Variants in TFEC observed in about 807,000 individuals in gnomAD.
The protein encoded by TFEC is transcription factor EC.
TFEC carries 31 observed loss-of-function variants against 41.6 expected under a neutral mutation model. The observed-to-expected ratio is 0.74, with a 90% CI of 0.56 to 1.01. The LOEUF (loss-of-function observed/expected upper bound fraction) is 1.01. Among genes scored for constraint, TFEC ranks in the 50% least tolerant of loss-of-function variants. The pLI is 0.00. For synonymous variants in TFEC, 143 were observed against 140.6 expected (o/e 1.02, Z -0.12); for missense variants, 402 against 404.1 (o/e 0.99, Z 0.04).
chr7:116,108,295 T>C (rs576001967), intron 3 of TFEC, among the ~76,000 whole-genome samples: 94 of 152,262 alleles, frequency 6.2e-4, no homozygotes, highest in Middle Eastern at 6.8e-3. Flanking sequence ...ATAAAGCAAG[T>C]ATTATTGATA....
intron 3 of TFEC, among the ~76,000 whole-genome samples, chr7:115,968,826 TAACTATATG>T (rs1792995450): frequency 6.6e-6 from 1 of 151,892 alleles, no homozygotes; most frequent in African/African-American, 2.4e-5. Context: ...TGCCATTCAT[TAACTATATG>T]AACTTGGGCA....
intron 3 of TFEC, among the ~76,000 whole-genome samples, chr7:116,073,081 A>G (rs1179322253): frequency 6.6e-6 from 1 of 151,726 alleles, no homozygotes; most frequent in Non-Finnish European, 1.5e-5. Context: ...GATCTCGTAC[A>G]TAGAAAATCT....
chr7:116,013,143 T>G (rs1373646272), intron 1 of TFEC, among the ~76,000 whole-genome samples: 1 of 152,148 alleles, frequency 6.6e-6, no homozygotes, highest in South Asian at 2.1e-4. Flanking sequence ...TCAATTTTGG[T>G]AGATAAAACC....
intron 1 of TFEC, among the ~76,000 whole-genome samples, chr7:115,991,594 A>G (rs1034776170): frequency 6.6e-6 from 1 of 152,226 alleles, no homozygotes; most frequent in Non-Finnish European, 1.5e-5. Context: ...TGATAAACAG[A>G]CTTTAAACCA....
chr7:116,123,000 C>T (rs530836350), intron 1 of TFEC, among the ~76,000 whole-genome samples: 14 of 152,072 alleles, frequency 9.2e-5, no homozygotes, highest in Middle Eastern at 3.4e-3. Context: ...TTTAACCAAT[C>T]CCCCCATCTT....
chr7:115,981,974 T>C (rs999528582), intron 2 of TFEC, among the ~76,000 whole-genome samples: 8 of 152,192 alleles, frequency 5.3e-5, no homozygotes, highest in African/African-American at 1.9e-4. Flanking sequence ...AGGGTCCATG[T>C]GCTATGGGTA....
chr7:116,148,554 A>T (rs1798689948), intron 1 of TFEC, among the ~76,000 whole-genome samples: 1 of 152,168 alleles, frequency 6.6e-6, no homozygotes, highest in Non-Finnish European at 1.5e-5. Context: ...TTGAGTATAA[A>T]ATGACAAGAT....
chr7:116,066,774 T>C (rs1163533672), intron 3 of TFEC, among the ~76,000 whole-genome samples: 1 of 152,088 alleles, frequency 6.6e-6, no homozygotes, highest in Non-Finnish European at 1.5e-5. Context: ...GCCATTTCAG[T>C]GAACTGAATG....
intron 1 of TFEC, among the ~76,000 whole-genome samples, chr7:116,138,103 C>T (rs1159367748): frequency 6.6e-6 from 1 of 152,050 alleles, no homozygotes; most frequent in Non-Finnish European, 1.5e-5. Context: ...TCTGCCTCTC[C>T]AATGTTGATA....
At chr7:116,002,500 G>A (rs547531207) in intron 1 of TFEC, among the ~76,000 whole-genome samples, 59 of 152,178 alleles carry the variant, frequency 3.9e-4, no homozygotes, top group Non-Finnish European at 7.1e-4. Flanking sequence ...ATTGAGCTAT[G>A]TAATAGAACA....
chr7:115,941,906 A>C lies in TFEC; in HGVS notation c.650T>G (p.Leu217Arg). ...KKLEQANRRL[L>R]LRIQELEIQA... ...TCTTATAAAAACCTGAATCCGAAGT[A>C]GAAGTCGCCTGTTAGCCTGCTCTAA... The change falls in exon 7 of 8, where the codon CTA (leucine) becomes CGA (arginine). Residue 217 changes from leucine to arginine, a missense_variant. Coordinates refer to ENST00000265440, the MANE Select transcript of TFEC (RefSeq NM_012252.4). 6.2e-7 allele frequency: 1 copy of C among 1,613,234 alleles called. No individual in the cohort carries two copies. The highest frequency in any genetic ancestry group is 8.5e-7 in the Non-Finnish European group (1 of 1,179,456).
intron 1 of TFEC, among the ~76,000 whole-genome samples, chr7:115,987,824 T>C (rs1793925491): frequency 6.6e-6 from 1 of 152,002 alleles, no homozygotes; most frequent in Admixed American, 6.6e-5. Context: ...AATGAAAGAA[T>C]GAGTCATTAG....
intron 3 of TFEC, among the ~76,000 whole-genome samples, chr7:116,092,587 C>G (rs1056315649): frequency 6.6e-6 from 1 of 152,122 alleles, no homozygotes; most frequent in Non-Finnish European, 1.5e-5. Context: ...TGTATGTGTA[C>G]ATGAATTAAA....
chr7:115,948,252 C>T (rs1489286987), intron 6 of TFEC, among the ~76,000 whole-genome samples: 2 of 151,496 alleles, frequency 1.3e-5, no homozygotes, highest in African/African-American at 4.9e-5. Flanking sequence ...GATTCACAGC[C>T]GAATTCTACC....
intron 1 of TFEC, among the ~76,000 whole-genome samples, chr7:116,007,986 C>G (rs1794864288): frequency 6.6e-6 from 1 of 151,962 alleles, no homozygotes; most frequent in African/African-American, 2.4e-5. Flanking sequence ...AAAACCAGTC[C>G]CAAGGGAAAG....
chr7:116,070,206 C>T (rs749985480), intron 3 of TFEC, among the ~76,000 whole-genome samples: 9 of 150,968 alleles, frequency 6.0e-5, no homozygotes, highest in Non-Finnish European at 1.3e-4. Flanking sequence ...TCAAAATTTC[C>T]GAAGAAATTC....
rs980940375 is a variant in TFEC at position 115,936,824 on chromosome 7, A to C, written c.*3727T>G. The C allele has an allele frequency of 2.6e-5, 4 of 151,562 alleles. No individual in the cohort carries two copies. Among genetic ancestry groups the C allele is most frequent in the African/African-American group, 9.7e-5 (4 of 41,382 alleles). The allele number at this position is 151,562 out of a possible 1,614,324, so 9.4% of individuals were successfully genotyped here. A position where few individuals can be genotyped will look rare whatever the true frequency, so the allele number is the denominator to read the frequency against. ...TGTAGGTGGGAAAAAAATGAGTTGA[A>C]AAAGGAAGAGGAAGGCTATTTCTCA... On this transcript the variant is annotated 3_prime_UTR_variant, in exon 8 of 8. Transcript: ENST00000265440.
At chr7:115,997,484 G>A (rs939635165) in intron 1 of TFEC, among the ~76,000 whole-genome samples, 2 of 152,084 alleles carry the variant, frequency 1.3e-5, no homozygotes, top group Non-Finnish European at 2.9e-5. Context: ...AGACGGATGG[G>A]TACAAACCAG....
Position 115,999,942 on chromosome 7 carries a change from G to A in TFEC, c.-72-15429C>T, listed in dbSNP as rs1279103816. Among the ~76,000 whole-genome samples the A allele has an allele frequency of 5.3e-5, 8 of 151,054 alleles. 1 individual carries two copies. Among genetic ancestry groups the A allele is most frequent in the Non-Finnish European group, 1.2e-4 (8 of 67,808 alleles). On this transcript the variant is annotated intron_variant, in intron 1 of 7. Coordinates refer to ENST00000265440, the MANE Select transcript of TFEC (RefSeq NM_012252.4). ...CTCAAACTTTCTGAAAAATAAAGGA[G>A]GAGGGAAAACTTCTAAACCCATTCT...
Sources: allele counts gnomAD v4.1 joint callset (sites outside exome capture counted in the v4.1 genomes callset), GRCh38; gene constraint gnomAD v4.1.1; transcripts MANE v1.5; gene names NCBI Gene and HGNC (gene_info 2026-07-23, HGNC 2026-07-21).